Variants in NAV1 observed in about 807,000 individuals in gnomAD.
The protein encoded by NAV1 is pore membrane and/or filament interacting like protein 3.
NAV1 carries 18 observed loss-of-function variants against 175.2 expected under a neutral mutation model. The ratio of observed to expected loss-of-function variants is 0.10; its 90% CI spans 0.07 to 0.15. NAV1 has a LOEUF of 0.15. Among genes scored for constraint, NAV1 ranks in the 10% least tolerant of loss-of-function variants. The pLI, the probability that NAV1 is intolerant of heterozygous loss-of-function variation, is 1.00. For synonymous variants in NAV1, 897 were observed against 978.7 expected, an observed-to-expected ratio of 0.92 and a Z score of 1.56; for missense variants, 1,731 against 2,436.6, an observed-to-expected ratio of 0.71 and a Z score of 6.10.
chr1:201,782,876 A>G lies in NAV1; in HGVS notation c.2357+7A>G. On this transcript the variant is annotated splice_region_variant and intron_variant, in intron 6 of 29. Transcript: ENST00000367296. This position sits in a 1 kb window ranked among gnomAD's most constrained non-coding sequence, Gnocchi z 5.4. Reference sequence around the variant, plus strand: ...TGCCACCAACCCCTCTCAGGTACCCAATGTGGGCAGCCGCCTCCTTGTCTG... The same window carrying G: ...TGCCACCAACCCCTCTCAGGTACCCGATGTGGGCAGCCGCCTCCTTGTCTG... The G allele has an allele frequency of 6.4e-7, 1 of 1,557,824 alleles. No homozygotes were observed. The highest frequency in any genetic ancestry group is 1.2e-5 in the South Asian group (1 of 81,948).
At chr1:201,560,084 C>G (rs933110250) in intron 1 of NAV1, among the ~76,000 whole-genome samples, 1 of 152,170 alleles carries the variant, frequency 6.6e-6, no homozygotes, top group African/African-American at 2.4e-5. Flanking sequence ...GTATCTGTCT[C>G]TCTGTGTTGT....
chr1:201,613,283 G>T (rs906499554), intron 2 of NAV1, among the ~76,000 whole-genome samples: 13 of 152,030 alleles, frequency 8.6e-5, no homozygotes. Context: ...GTGTAATTTG[G>T]TTACCCTCTC....
upstream of NAV1, among the ~76,000 whole-genome samples, chr1:201,644,272 C>T (rs1057210827): frequency 2.0e-5 from 3 of 152,116 alleles, no homozygotes; most frequent in Non-Finnish European, 4.4e-5. Context: ...GGGAGGGGCT[C>T]AGGGCTGGGT....
In NAV1 at chr1:201,808,795, A is replaced by G. The variant is rs769499311; in HGVS notation, c.4131A>G (p.Ser1377=). ...CCACTCCAGGGCAGGTCCCTGGATC[A>G]TCTGCATTATCTTCCCCACGCCGCT... is the stretch of plus-strand genomic sequence containing the variant. The change falls in exon 20 of 30, where the codon TCA becomes TCG. Residue 1377 remains serine (S), a synonymous_variant. Coordinates refer to ENST00000367296, the Ensembl canonical transcript of NAV1. This position sits in a 1 kb window ranked among gnomAD's most constrained non-coding sequence, Gnocchi z 5.5. 5 of 1,614,136 alleles carry G rather than the reference A, an allele frequency of 3.1e-6. No homozygotes were observed. In the East Asian group the frequency reaches 1.1e-4, roughly 36 times the overall value.
intron 2 of NAV1, among the ~76,000 whole-genome samples, chr1:201,641,485 G>A (rs991347622): frequency 1.3e-5 from 2 of 152,190 alleles, no homozygotes; most frequent in African/African-American, 2.4e-5. Context: ...GAAGTCCCAT[G>A]TTTTGGGTGC....
Position 201,804,957 on chromosome 1 carries a change from C to A in NAV1, c.3648+460C>A, listed in dbSNP as rs185314244. On this transcript the variant is annotated intron_variant, in intron 17 of 29. Transcript: ENST00000367296. ...CTGGGCCTAACCTGAAGATTTAGCT[C>A]TAGAGTAGGATGAACCAGAGATAGG... 2.1e-4 allele frequency among the ~76,000 whole-genome samples: 32 copies of A among 152,226 alleles called. No individual in the cohort carries two copies. The East Asian group carries it at 5.6e-3, about 27-fold the overall frequency.
chr1:201,544,820 T>C (rs1308211172), intron 1 of NAV1, among the ~76,000 whole-genome samples: 1 of 152,238 alleles, frequency 6.6e-6, no homozygotes, highest in Non-Finnish European at 1.5e-5. Context: ...TTTTCTTCTC[T>C]GGTCTCAGCA....
At chr1:201,759,882 C>T (rs754094986) in intron 3 of NAV1, among the ~76,000 whole-genome samples, 4 of 152,138 alleles carry the variant, frequency 2.6e-5, no homozygotes, top group Non-Finnish European at 2.9e-5. Context: ...TGAATAAACT[C>T]CCCCAGTAAC....
chr1:201,693,489 T>C (rs959097804), intron 1 of NAV1, among the ~76,000 whole-genome samples: 10 of 152,140 alleles, frequency 6.6e-5, no homozygotes, highest in Non-Finnish European at 1.0e-4. Flanking sequence ...ATAAGGGATG[T>C]AGTGTCTAGT....
At chr1:201,614,215 A>G (rs1404465699) in intron 2 of NAV1, among the ~76,000 whole-genome samples, 1 of 152,196 alleles carries the variant, frequency 6.6e-6, no homozygotes, top group African/African-American at 2.4e-5. Context: ...TTTTTTTGGC[A>G]TATCCAACCC....
chr1:201,650,257 C>CA (rs35104482), intron 1 of NAV1, among the ~76,000 whole-genome samples: 31,718 of 152,044 alleles, frequency 0.21, 4,096 homozygotes, highest in Admixed American at 0.37. Flanking sequence ...AGAGTCTATG[C>CA]AAAAAAACCC....
chr1:201,573,806 C>T (rs778523885), intron 1 of NAV1, among the ~76,000 whole-genome samples: 1 of 129,094 alleles, frequency 7.7e-6, no homozygotes, highest in African/African-American at 4.5e-5. Flanking sequence ...CCAAAAAATG[C>T]ATTACATTCA....
At chr1:201,672,878 C>T (rs1670097621) in intron 1 of NAV1, among the ~76,000 whole-genome samples, 1 of 152,224 alleles carries the variant, frequency 6.6e-6, no homozygotes, top group Admixed American at 6.5e-5. Flanking sequence ...GACGCTCAAG[C>T]TCGACTGCCC....
intron 3 of NAV1, among the ~76,000 whole-genome samples, chr1:201,772,485 T>C (rs1413137300): frequency 1.3e-5 from 2 of 152,120 alleles, no homozygotes; most frequent in Admixed American, 1.3e-4. Flanking sequence ...ACATAGGAAG[T>C]AGGAGTGGGA....
intron 1 of NAV1, among the ~76,000 whole-genome samples, chr1:201,697,393 A>G (rs1455590218): frequency 3.9e-5 from 6 of 152,150 alleles, no homozygotes; most frequent in Non-Finnish European, 8.8e-5. Flanking sequence ...GGGGCAGGGG[A>G]AGAGGGAGGT....
chr1:201,752,245 C>T (rs1674160392), intron 3 of NAV1, among the ~76,000 whole-genome samples: 1 of 152,214 alleles, frequency 6.6e-6, no homozygotes, highest in African/African-American at 2.4e-5. Context: ...GGCCGGATCA[C>T]TGATCCCCCC....
Position 201,727,505 on chromosome 1 carries a change from G to A in NAV1, c.1226+8750G>A, listed in dbSNP as rs115840217. 3.9e-3 allele frequency among the ~76,000 whole-genome samples: 592 copies of A among 152,292 alleles called. 3 individuals are homozygous for A. Among genetic ancestry groups the A allele is most frequent in the African/African-American group, 0.013 (557 of 41,570 alleles). On this transcript the variant is annotated intron_variant, in intron 3 of 29. Coordinates refer to ENST00000367296, the Ensembl canonical transcript of NAV1. ...CACACAGAGTCACACAAGTGACCAT[G>A]ACCTCTTTCCCATCATGACTTGGCT...
upstream of NAV1, among the ~76,000 whole-genome samples, chr1:201,621,522 G>T (rs369587270): frequency 1.3e-4 from 20 of 150,084 alleles, no homozygotes; most frequent in Admixed American, 1.3e-3. Flanking sequence ...AGTAGAGACG[G>T]GGTTTCATCA....
At chr1:201,609,445 C>T (rs1368858958) in intron 2 of NAV1, among the ~76,000 whole-genome samples, 1 of 152,214 alleles carries the variant, frequency 6.6e-6, no homozygotes. Flanking sequence ...GTAATCCCCA[C>T]GATCTCTCCT....
Sources: allele counts gnomAD v4.1 joint callset (sites outside exome capture counted in the v4.1 genomes callset), GRCh38; gene constraint gnomAD v4.1.1; non-coding constraint Gnocchi (gnomAD v3.1); transcripts MANE v1.5; gene names NCBI Gene and HGNC (gene_info 2026-07-23, HGNC 2026-07-21).